The following DNAH6 variants were observed in gnomAD, a reference collection of about 807,000 sequenced individuals.
DNAH6 encodes the protein dynein axonemal heavy chain 6.
DNAH6 carries 340 observed loss-of-function variants against 491.4 expected under a neutral mutation model. The ratio of observed to expected loss-of-function variants is 0.69; its 90% CI spans 0.63 to 0.76. DNAH6 has a LOEUF of 0.76. Ranked by LOEUF, DNAH6 falls within the 30% of genes least tolerant of loss-of-function variation. DNAH6 has a pLI of 0.00. For synonymous variants in DNAH6, 1,603 were observed against 1,686.1 expected (o/e 0.95, Z 1.21); for missense variants, 4,443 against 4,972.2 (o/e 0.89, Z 3.20).
the DNAH6 span, among the ~76,000 whole-genome samples, chr2:84,502,183 C>A: frequency 6.6e-6 from 1 of 151,862 alleles, no homozygotes; most frequent in Non-Finnish European, 1.5e-5. Context: ...CTCTTGGTAC[C>A]GCTTTTGCTG....
intron 2 of DNAH6, among the ~76,000 whole-genome samples, chr2:84,521,110 A>G (rs1374522661): frequency 6.6e-6 from 1 of 151,882 alleles, no homozygotes. Flanking sequence ...ATCTGATTGT[A>G]TGAATATTCC....
chr2:84,548,439 A>G lies in DNAH6; in HGVS notation c.1316+22A>G, dbSNP rs755545781. On this transcript the variant is annotated intron_variant, in intron 8 of 76. Transcript: ENST00000389394. ...CGTGGTAAGATTATTCTCATTTTCA[A>G]GAAAAATTGTAGTACCCATCTTAAG... 5 of 1,613,012 alleles carry G rather than the reference A, an allele frequency of 3.1e-6. No homozygotes were observed. The South Asian group carries it at 5.5e-5, about 18-fold the overall frequency.
intron 65 of DNAH6, among the ~76,000 whole-genome samples, chr2:84,782,796 G>A (rs570241912): frequency 2.0e-5 from 3 of 152,196 alleles, no homozygotes; most frequent in African/African-American, 7.2e-5. Context: ...CAGTGATTAG[G>A]AATATAATTA....
At chr2:84,579,477 A>G in intron 13 of DNAH6, 50 bp from the exon 14 acceptor site, 1 of 1,586,438 alleles carries the variant, frequency 6.3e-7, no homozygotes. Flanking sequence ...AATACATAAT[A>G]AAATGAAAAT....
In DNAH6 at chr2:84,704,165, A is replaced by T; in HGVS notation, c.8328A>T (p.Ala2776=). ...ATGCTCAAAGAGATCTTGACGAGGC[A>T]CTACCTGCACTAGATGCTGCCAATA... is the stretch of plus-strand genomic sequence containing the variant. ...ADDAQRDLDE[A]LPALDAANKA... Residue 2776 remains alanine, a synonymous_variant, in exon 51 of 77, where the codon GCA becomes GCT. Coordinates refer to ENST00000389394, the MANE Select transcript of DNAH6 (RefSeq NM_001370.2). The T allele has an allele frequency of 6.4e-7, 1 of 1,551,918 alleles. No homozygotes were observed. The highest frequency in any genetic ancestry group is 8.7e-7 in the Non-Finnish European group (1 of 1,147,026).
At chr2:84,489,753 C>G in the DNAH6 span, among the ~76,000 whole-genome samples, 5 of 152,124 alleles carry the variant, frequency 3.3e-5, no homozygotes, top group African/African-American at 1.2e-4. Context: ...TTTGTTTAAT[C>G]TAGAGCAGTG....
the DNAH6 span, among the ~76,000 whole-genome samples, chr2:84,500,218 A>G: frequency 2.0e-5 from 3 of 152,126 alleles, no homozygotes; most frequent in Non-Finnish European, 4.4e-5. Context: ...ATATGGTGAG[A>G]GATGGGGGTC....
At chr2:84,494,076 TCCCTGTCAGCCACACTGAGGGAAG>T in the DNAH6 span, among the ~76,000 whole-genome samples, 2 of 152,134 alleles carry the variant, frequency 1.3e-5, no homozygotes, top group African/African-American at 4.8e-5. Flanking sequence ...TTGCAGGTTT[TCCCTGTCAGCCACACTGAGGGAAG>T]GGCTGTCTTT....
chr2:84,534,338 C>T (rs1433551777), intron 4 of DNAH6, among the ~76,000 whole-genome samples: 8 of 152,034 alleles, frequency 5.3e-5, no homozygotes, highest in Non-Finnish European at 1.2e-4. Context: ...TGTATGGTTA[C>T]CTTGTCAAAC....
chr2:84,604,813 A>G (rs990090969), intron 19 of DNAH6, among the ~76,000 whole-genome samples: 19 of 152,194 alleles, frequency 1.2e-4, no homozygotes, highest in African/African-American at 1.9e-4. Flanking sequence ...TCATATACCA[A>G]GAATGATCTT....
intron 64 of DNAH6, among the ~76,000 whole-genome samples, chr2:84,780,491 T>C (rs1477756549): frequency 6.6e-6 from 1 of 152,158 alleles, no homozygotes; most frequent in African/African-American, 2.4e-5. Context: ...GGAGTTCAGT[T>C]TTGTTTTTTC....
intron 3 of DNAH6, among the ~76,000 whole-genome samples, chr2:84,527,937 T>C (rs1676757517): frequency 6.6e-6 from 1 of 152,228 alleles, no homozygotes. Flanking sequence ...AAAGCAGTTC[T>C]ACTATGGTGA....
At chr2:84,800,703 TAAAG>T (rs561546060) in intron 70 of DNAH6, among the ~76,000 whole-genome samples, 11 of 151,740 alleles carry the variant, frequency 7.2e-5, no homozygotes, top group East Asian at 1.9e-4. Context: ...CAGAAAAAAA[TAAAG>T]AAAAGAGAAT....
Position 84,815,966 on chromosome 2 carries a change from A to G in DNAH6, c.12256A>G (p.Asn4086Asp). The G allele has an allele frequency of 6.4e-7, 1 of 1,551,954 alleles. No homozygotes were observed. Among genetic ancestry groups the G allele is most frequent in the Non-Finnish European group, 8.7e-7 (1 of 1,147,052 alleles). Residue 4086 changes from asparagine to aspartate, a missense_variant, in exon 76 of 77, where the codon AAT becomes GAT. Coordinates refer to ENST00000389394, the MANE Select transcript of DNAH6 (RefSeq NM_001370.2). ...VIEDALPGQM[N>D]PVLPVVHFEP... is the part of the protein sequence containing the mutation. ...AGAAGATGCATTGCCCGGACAGATG[A>G]ATCCAGTGCTGCCTGTGGTGCATTT...
At chr2:84,578,961 C>T (rs1196939451) in intron 13 of DNAH6, among the ~76,000 whole-genome samples, 1 of 152,140 alleles carries the variant, frequency 6.6e-6, no homozygotes, top group African/African-American at 2.4e-5. Flanking sequence ...GCCTTGCTTC[C>T]CCCTTCACCT....
chr2:84,565,333 T>A (rs1681078565), intron 11 of DNAH6, among the ~76,000 whole-genome samples: 1 of 151,834 alleles, frequency 6.6e-6, no homozygotes, highest in East Asian at 1.9e-4. Context: ...CAGGGCTTTT[T>A]TTTTTTGTAG....
chr2:84,649,697 C>T (rs767443249), intron 33 of DNAH6, among the ~76,000 whole-genome samples: 11 of 152,026 alleles, frequency 7.2e-5, no homozygotes, highest in Non-Finnish European at 1.5e-4. Flanking sequence ...CACCATTATC[C>T]TCAGCAAACT....
chr2:84,629,816 G>T (rs1688234315), intron 29 of DNAH6, among the ~76,000 whole-genome samples: 1 of 152,064 alleles, frequency 6.6e-6, no homozygotes, highest in Admixed American at 6.6e-5. Context: ...GCAACATCCT[G>T]TCCTATCTGA....
rs568232771 is a variant in DNAH6, at chr2:84,560,323, C to T, written c.1803+2388C>T. 3.3e-5 allele frequency among the ~76,000 whole-genome samples: 5 copies of T among 151,308 alleles called. No individual in the cohort carries two copies. In the East Asian group the frequency reaches 5.8e-4, roughly 18 times the overall value. ...CATCAGACTTCTCAAAAACAACATA[C>T]GAAGTAAGGCAATAATGGAGGAGCA... On this transcript the variant is annotated intron_variant, in intron 11 of 76. Transcript: ENST00000389394.
Sources: gnomAD v4.1 joint callset for allele counts (sites outside exome capture counted in the v4.1 genomes callset) on GRCh38, gnomAD v4.1.1 for gene constraint, MANE v1.5 for transcripts, NCBI Gene and HGNC (gene_info 2026-07-23, HGNC 2026-07-21) for gene names.